The following CDH18 variants were observed in gnomAD, a reference collection of about 807,000 sequenced individuals.
The protein encoded by CDH18 is cadherin-18.
CDH18 carries 31 observed loss-of-function variants against 67.9 expected under a neutral mutation model. The ratio of observed to expected loss-of-function variants is 0.46; its 90% CI spans 0.34 to 0.62. The LOEUF is 0.62. Ranked by LOEUF, CDH18 falls within the 20% of genes least tolerant of loss-of-function variation. The pLI, the probability that CDH18 is intolerant of heterozygous loss-of-function variation, is 0.01. For missense variants in CDH18, 890 were observed against 975.5 expected (o/e 0.91, Z 1.17); for synonymous variants, 362 against 347.2 (o/e 1.04, Z -0.48).
At position 20,115,160 on chromosome 5, in the gene CDH18, A is replaced by C. The variant is rs372712471; in HGVS notation, c.-517-123146T>G. Among the ~76,000 whole-genome samples, 264 of 151,170 alleles carry C rather than the reference A, an allele frequency of 1.7e-3. 1 individual carries two copies. Among genetic ancestry groups the C allele is most frequent in the African/African-American group, 6.0e-3 (248 of 41,180 alleles). On this transcript the variant is annotated intron_variant, in intron 2 of 14. Transcript: ENST00000507958. Reference sequence around the variant, plus strand: ...GGATCCACTTTCTGGTTTGCAGATTACCGCCTTTTTGGTAAATTTGCACAT... The same window carrying C: ...GGATCCACTTTCTGGTTTGCAGATTCCCGCCTTTTTGGTAAATTTGCACAT...
intron 5 of CDH18, among the ~76,000 whole-genome samples, chr5:19,642,335 A>G (rs1277548883): frequency 6.6e-6 from 1 of 151,996 alleles, no homozygotes; most frequent in Non-Finnish European, 1.5e-5. Context: ...AAATCCTAAA[A>G]TTCATCTGAA....
At chr5:19,902,526 G>C (rs1436242876) in intron 2 of CDH18, among the ~76,000 whole-genome samples, 2 of 151,700 alleles carry the variant, frequency 1.3e-5, no homozygotes, top group African/African-American at 4.9e-5. Context: ...AACCGTGTGA[G>C]TGTACTTGGA....
chr5:19,516,346 G>C (rs938872611), intron 10 of CDH18, among the ~76,000 whole-genome samples: 2 of 152,102 alleles, frequency 1.3e-5, no homozygotes, highest in South Asian at 4.1e-4. Flanking sequence ...TTTGGTATCA[G>C]GATGATGCTG....
intron 2 of CDH18, among the ~76,000 whole-genome samples, chr5:19,897,179 T>A (rs972608867): frequency 1.3e-5 from 2 of 152,104 alleles, no homozygotes; most frequent in Admixed American, 6.5e-5. Flanking sequence ...ATATTTGCCA[T>A]ACAATTTATA....
intron 2 of CDH18, among the ~76,000 whole-genome samples, chr5:19,977,615 C>A (rs1286305858): frequency 6.6e-6 from 1 of 152,042 alleles, no homozygotes; most frequent in Non-Finnish European, 1.5e-5. Context: ...TATAAGCAAA[C>A]AATATCCATG....
intron 2 of CDH18, among the ~76,000 whole-genome samples, chr5:19,874,348 CT>C (rs1786694243): frequency 2.6e-5 from 4 of 152,160 alleles, no homozygotes; most frequent in Admixed American, 2.6e-4. Flanking sequence ...ATCTGCCTGA[CT>C]CCTTTAAGCT....
At chr5:20,120,096 G>T (rs972014077) in intron 2 of CDH18, among the ~76,000 whole-genome samples, 1 of 151,964 alleles carries the variant, frequency 6.6e-6, no homozygotes, top group Non-Finnish European at 1.5e-5. Context: ...ACTTTGAATG[G>T]GTTTCTATTT....
chr5:19,760,672 A>T (rs1772209942), intron 3 of CDH18, among the ~76,000 whole-genome samples: 1 of 152,200 alleles, frequency 6.6e-6, no homozygotes, highest in African/African-American at 2.4e-5. Flanking sequence ...CATAAATTAG[A>T]GAACTCAAAC....
chr5:19,957,619 G>A (rs188951921), intron 2 of CDH18, among the ~76,000 whole-genome samples: 15 of 151,882 alleles, frequency 9.9e-5, no homozygotes, highest in Admixed American at 3.9e-4. Flanking sequence ...GGTACACTTA[G>A]AAATAAATTA....
intron 2 of CDH18, among the ~76,000 whole-genome samples, chr5:20,227,937 A>G (rs1167778548): frequency 6.6e-6 from 1 of 152,050 alleles, no homozygotes; most frequent in Non-Finnish European, 1.5e-5. Context: ...CCATTCCTCA[A>G]CCTATTACAG....
At chr5:20,265,479 C>A (rs1009733593) in intron 1 of CDH18, among the ~76,000 whole-genome samples, 2 of 151,716 alleles carry the variant, frequency 1.3e-5, no homozygotes, top group Non-Finnish European at 2.9e-5. Context: ...AATAAAAGTT[C>A]CAGTTTATTT....
intron 2 of CDH18, among the ~76,000 whole-genome samples, chr5:19,975,502 G>A (rs1317163079): frequency 6.6e-6 from 1 of 152,092 alleles, no homozygotes; most frequent in African/African-American, 2.4e-5. Context: ...GCAAGGTCTA[G>A]GTTGAGCATT....
At chr5:19,719,272 T>C (rs562861549) in intron 5 of CDH18, among the ~76,000 whole-genome samples, 19 of 152,142 alleles carry the variant, frequency 1.2e-4, no homozygotes, top group African/African-American at 3.8e-4. Flanking sequence ...GCATCGTTAA[T>C]GGACTAATGT....
chr5:19,854,630 G>A (rs1784066276), intron 2 of CDH18, among the ~76,000 whole-genome samples: 1 of 152,026 alleles, frequency 6.6e-6, no homozygotes. Flanking sequence ...CAGACGACTA[G>A]TAAAAAGGAT....
intron 3 of CDH18, among the ~76,000 whole-genome samples, chr5:19,749,781 C>G (rs1344944882): frequency 2.0e-5 from 3 of 151,036 alleles, no homozygotes; most frequent in African/African-American, 7.3e-5. Context: ...TTGAATCTGA[C>G]TCCACATGTA....
At chr5:20,393,615 A>C (rs1023595009) in intron 1 of CDH18, among the ~76,000 whole-genome samples, 2 of 151,970 alleles carry the variant, frequency 1.3e-5, no homozygotes, top group Non-Finnish European at 2.9e-5. Context: ...TGGTATGCCT[A>C]GAAAACCCTA....
intron 3 of CDH18, among the ~76,000 whole-genome samples, chr5:19,835,360 G>T (rs1781501681): frequency 6.6e-6 from 1 of 151,974 alleles, no homozygotes; most frequent in Non-Finnish European, 1.5e-5. Flanking sequence ...CACACACCAG[G>T]GCCTGTTGGG....
At chr5:20,314,253 C>G (rs374139100) in intron 1 of CDH18, among the ~76,000 whole-genome samples, 188 of 151,964 alleles carry the variant, frequency 1.2e-3, no homozygotes, top group African/African-American at 4.4e-3. Context: ...GCTTTGCTAC[C>G]AGGAAGGTGT....
chr5:19,855,146 G>A (rs188785080), intron 2 of CDH18, among the ~76,000 whole-genome samples: 182 of 152,144 alleles, frequency 1.2e-3, no homozygotes, highest in African/African-American at 4.1e-3. Context: ...ACCATTCATT[G>A]AATCTCTGCA....
Sources: gnomAD v4.1 joint callset for allele counts (sites outside exome capture counted in the v4.1 genomes callset) on GRCh38, gnomAD v4.1.1 for gene constraint, MANE v1.5 for transcripts, NCBI Gene and HGNC (gene_info 2026-07-23, HGNC 2026-07-21) for gene names.